MEGF6: variants seen among roughly 807,000 people sequenced by gnomAD.
MEGF6 encodes multiple EGF like domains 6.
In MEGF6, 184 loss-of-function variants were observed where a neutral mutation model predicts 207.1. The ratio of observed to expected loss-of-function variants is 0.89; its 90% CI spans 0.79 to 1.00. The LOEUF is 1.00. Ranked by LOEUF, MEGF6 falls within the 50% of genes least tolerant of loss-of-function variation. The pLI is 0.00. For missense variants in MEGF6, 2,282 were observed against 2,202.9 expected (o/e 1.04, Z -0.72); for synonymous variants, 1,038 against 910.0 (o/e 1.14, Z -2.53).
At chr1:3,550,149 G>T (rs869697) in intron 4 of MEGF6, among the ~76,000 whole-genome samples, 3 of 152,058 alleles carry the variant, frequency 2.0e-5, no homozygotes, top group Non-Finnish European at 2.9e-5. Flanking sequence ...ACCCAGAGGC[G>T]CCACAGACCC....
chr1:3,599,965 A>C (rs929240275), intron 2 of MEGF6, among the ~76,000 whole-genome samples: 2 of 152,132 alleles, frequency 1.3e-5, no homozygotes, highest in African/African-American at 4.8e-5. Context: ...AAGGAGGCTG[A>C]CGTCGCCAGG....
intron 1 of MEGF6, among the ~76,000 whole-genome samples, chr1:3,605,404 C>T (rs982850050): frequency 6.6e-6 from 1 of 151,970 alleles, no homozygotes; most frequent in African/African-American, 2.4e-5. Context: ...CAATTACATA[C>T]ACACAACTCA....
chr1:3,531,024 C>G, intron 4 of MEGF6: 15 of 1,431,392 alleles, frequency 1.0e-5, no homozygotes, highest in East Asian at 2.9e-5. Flanking sequence ...ACAAAGGGAG[C>G]GCGCCGGGGA....
In MEGF6 at chr1:3,592,710, C is replaced by T. The variant is rs187032636; in HGVS notation, c.376+2628G>A. On this transcript the variant is annotated intron_variant, in intron 3 of 36. Transcript: ENST00000356575. Reference sequence around the variant, plus strand: ...TGAACCCTGACTCCTACCCACCCACCGCCCCCCTCACTTGCTGGGACCCAG... The same window carrying T: ...TGAACCCTGACTCCTACCCACCCACTGCCCCCCTCACTTGCTGGGACCCAG... Among the ~76,000 whole-genome samples, 835 of 152,290 alleles carry T rather than the reference C, an allele frequency of 5.5e-3. 8 individuals carry two copies. Among genetic ancestry groups the T allele is most frequent in the Middle Eastern group, 0.014 (4 of 294 alleles).
the MEGF6 span, chr1:3,624,764 G>A: frequency 5.5e-6 from 1 of 180,386 alleles, no homozygotes; most frequent in Non-Finnish European, 1.1e-5. Flanking sequence ...AACCGGCTTC[G>A]GCCCCGCCCC....
Position 3,501,293 on chromosome 1 carries a change from C to A in MEGF6, c.2330G>T (p.Arg777Leu). ...GATCTCCTGGCAGCCCAGCCCCCAG[C>A]GGCCCTCGGGACAATCTAGTGCCCA... ...EDCEADCPEG[R>L]WGLGCQEICP... The change falls in exon 19 of 37, where the codon CGC (arginine) becomes CTC (leucine). Residue 777 changes from arginine to leucine, a missense_variant. By Grantham distance (102) the Arg-to-Leu change is moderately radical. Transcript: ENST00000356575. 1 of 1,599,380 alleles carries A rather than the reference C, an allele frequency of 6.3e-7. No homozygotes were observed. Among genetic ancestry groups the A allele is most frequent in the Non-Finnish European group, 8.5e-7 (1 of 1,173,718 alleles).
rs544816554 is a variant in MEGF6 at position 3,565,138 on chromosome 1, GC to G, written c.481+14686del. On this transcript the variant is annotated intron_variant, in intron 4 of 36. Transcript: ENST00000356575. The surrounding 1 kb of genome is among the most constrained non-coding windows in gnomAD (Gnocchi z 4.8). The stretch of plus-strand genomic sequence containing the variant: ...GTCCGGCGATGGACGCATGAATGAA[GC>G]CCCCTAGGTACCCCCTTCTTACCCT... 3.9e-4 allele frequency among the ~76,000 whole-genome samples: 60 copies of G among 152,150 alleles called. 1 individual carries two copies. In the Middle Eastern group the frequency reaches 0.014, roughly 35 times the overall value.
At chr1:3,607,295 G>A (rs1171512543) in intron 1 of MEGF6, among the ~76,000 whole-genome samples, 2 of 150,588 alleles carry the variant, frequency 1.3e-5, no homozygotes, top group South Asian at 2.1e-4. Flanking sequence ...GCCCCTGCCC[G>A]CCTGGTGCGC....
At chr1:3,555,572 C>A (rs1244620372) in intron 4 of MEGF6, among the ~76,000 whole-genome samples, 1 of 152,250 alleles carries the variant, frequency 6.6e-6, no homozygotes, top group African/African-American at 2.4e-5. Flanking sequence ...CGGCCCCCAT[C>A]CTCCACGACT....
At chr1:3,498,312 C>T (rs1326023022) in intron 26 of MEGF6, 59 bp downstream of exon 26, 14 of 1,553,952 alleles carry the variant, frequency 9.0e-6, no homozygotes, top group Non-Finnish European at 1.1e-5. Context: ...TGCAGTAAGG[C>T]TGATGCCACC....
chr1:3,498,327 C>A, intron 26 of MEGF6, 44 bp downstream of exon 26: 2 of 1,571,064 alleles, frequency 1.3e-6, no homozygotes, highest in South Asian at 1.1e-5. Context: ...GCCACCCCTT[C>A]CCAGCAGGGC....
intron 3 of MEGF6, among the ~76,000 whole-genome samples, chr1:3,584,458 C>T (rs1460011348): frequency 6.6e-6 from 1 of 152,200 alleles, no homozygotes; most frequent in African/African-American, 2.4e-5. Context: ...TCAAGCCTTC[C>T]TCTCCTCCTT....
intron 4 of MEGF6, among the ~76,000 whole-genome samples, chr1:3,525,878 C>T (rs1419608392): frequency 6.6e-6 from 1 of 152,210 alleles, no homozygotes; most frequent in Admixed American, 6.5e-5. Flanking sequence ...CCAAGCTGGG[C>T]CTCGGGGGAA....
chr1:3,540,992 C>A (rs1486201705), intron 4 of MEGF6, among the ~76,000 whole-genome samples: 1 of 152,216 alleles, frequency 6.6e-6, no homozygotes, highest in African/African-American at 2.4e-5. Context: ...AGAGAAGCCA[C>A]CAGCTAGAAA....
At chr1:3,595,552 G>A in intron 2 of MEGF6, 105 bp from the exon 3 acceptor site, 1 of 947,756 alleles carries the variant, frequency 1.1e-6, no homozygotes, top group East Asian at 2.6e-5. Flanking sequence ...CGGGTTCCCG[G>A]CGGCACAGGC....
At chr1:3,546,125 G>A (rs1282952748) in intron 4 of MEGF6, among the ~76,000 whole-genome samples, 2 of 152,242 alleles carry the variant, frequency 1.3e-5, no homozygotes, top group African/African-American at 2.4e-5. Flanking sequence ...GCAGAGGCTG[G>A]AGCAGGCAAA....
At chr1:3,521,130 G>A (rs1641731781) in intron 5 of MEGF6, among the ~76,000 whole-genome samples, 1 of 152,100 alleles carries the variant, frequency 6.6e-6, no homozygotes, top group African/African-American at 2.4e-5. Flanking sequence ...CGGCCAGGAG[G>A]ACCCTGGCAG....
intron 1 of MEGF6, among the ~76,000 whole-genome samples, chr1:3,603,763 C>T (rs1203768534): frequency 6.6e-6 from 1 of 151,826 alleles, no homozygotes; most frequent in East Asian, 1.9e-4. Flanking sequence ...AGCTCCTAAC[C>T]AGCCGCCGCC....
intron 5 of MEGF6, among the ~76,000 whole-genome samples, chr1:3,518,343 G>T (rs769114242): frequency 6.6e-6 from 1 of 152,216 alleles, no homozygotes; most frequent in Non-Finnish European, 1.5e-5. Context: ...CCACATGCAG[G>T]TCCACTCGGG....
Sources: gnomAD v4.1 joint callset for allele counts (sites outside exome capture counted in the v4.1 genomes callset) on GRCh38, gnomAD v4.1.1 for gene constraint, Gnocchi (gnomAD v3.1) non-coding constraint, MANE v1.5 for transcripts, NCBI Gene and HGNC (gene_info 2026-07-23, HGNC 2026-07-21) for gene names.